PCDHA6: variants seen among roughly 807,000 people sequenced by gnomAD.
PCDHA6 encodes protocadherin alpha 6.
In PCDHA6, 55 loss-of-function variants were observed where a neutral mutation model predicts 60.3. That is an observed-to-expected ratio of 0.91 (90% confidence interval 0.73 to 1.14). The LOEUF (loss-of-function observed/expected upper bound fraction) is 1.14, where lower values mean the gene tolerates loss of function less well. PCDHA6 is among the 50% of genes most tolerant of loss of function. The pLI is 0.00. For synonymous variants in PCDHA6, 652 were observed against 557.9 expected (o/e 1.17, Z -2.38); for missense variants, 1,327 against 1,256.5 (o/e 1.06, Z -0.85).
intron 1 of PCDHA6, among the ~76,000 whole-genome samples, chr5:140,925,082 AAAGGAAGG>A (rs138596875): frequency 4.1e-5 from 6 of 147,388 alleles, no homozygotes; most frequent in Admixed American, 1.3e-4. Flanking sequence ...GCTCATCTGG[AAAGGAAGG>A]AAGGAAGGAA....
intron 1 of PCDHA6, chr5:140,968,814 G>A: frequency 1.5e-5 from 24 of 1,614,232 alleles, no homozygotes; most frequent in Non-Finnish European, 1.9e-5. Context: ...GTGGTGGATA[G>A]GGTTTCCAAA....
At chr5:140,843,758 A>T (rs2150366226) in intron 1 of PCDHA6, 1 of 1,503,376 alleles carries the variant, frequency 6.7e-7, no homozygotes, top group East Asian at 2.3e-5. Flanking sequence ...CTATTTGTGG[A>T]AATTGTAGTT....
intron 3 of PCDHA6, among the ~76,000 whole-genome samples, chr5:140,997,872 C>G (rs1053678533): frequency 6.6e-6 from 1 of 152,094 alleles, no homozygotes; most frequent in African/African-American, 2.4e-5. Context: ...TGCATGCTTG[C>G]TAGTATTTAT....
chr5:140,877,797 C>T, intron 1 of PCDHA6: 1 of 1,613,630 alleles, frequency 6.2e-7, no homozygotes. Flanking sequence ...TCAGCCCAAG[C>T]CTTCAGCTGT....
chr5:140,938,810 C>G (rs1182517488), intron 1 of PCDHA6, among the ~76,000 whole-genome samples: 1 of 152,030 alleles, frequency 6.6e-6, no homozygotes, highest in Non-Finnish European at 1.5e-5. Context: ...ACCACAAACC[C>G]CTGTGACATG....
chr5:140,850,855 G>A (rs1484311028), intron 1 of PCDHA6: 1 of 1,595,156 alleles, frequency 6.3e-7, no homozygotes, highest in Non-Finnish European at 8.6e-7. Flanking sequence ...GAGCGAACGG[G>A]AGAACCCTCT....
At chr5:140,876,539 C>T (rs1030865953) in intron 1 of PCDHA6, 5 of 1,614,170 alleles carry the variant, frequency 3.1e-6, no homozygotes, top group Admixed American at 1.7e-5. Flanking sequence ...ACTTCACTGT[C>T]GCTCCCTGTG....
intron 1 of PCDHA6, among the ~76,000 whole-genome samples, chr5:140,909,441 C>T (rs971678951): frequency 6.6e-6 from 1 of 152,214 alleles, no homozygotes; most frequent in Non-Finnish European, 1.5e-5. Context: ...AATCCACTGT[C>T]ATTCTCCAAG....
rs782293908 is a variant in PCDHA6, at chr5:140,870,195, C to A, written c.2394+39710C>A. 3.1e-6 allele frequency: 5 copies of A among 1,614,178 alleles called. No individual in the cohort carries two copies. In the South Asian group the frequency reaches 5.5e-5, roughly 18 times the overall value. On this transcript the variant is annotated intron_variant, in intron 1 of 3. Transcript: ENST00000529310. ...TCCCAGTACGAGAGGACGCTCAGCC[C>A]AGCACGGTCATTGCCCTGATCAGCG...
chr5:140,887,456 A>G (rs1291884808), intron 1 of PCDHA6, among the ~76,000 whole-genome samples: 1 of 152,138 alleles, frequency 6.6e-6, no homozygotes, highest in Non-Finnish European at 1.5e-5. Flanking sequence ...CAGTTTTTTA[A>G]AAGATATAAT....
intron 1 of PCDHA6, among the ~76,000 whole-genome samples, chr5:140,888,561 G>A (rs2061877783): frequency 6.6e-6 from 1 of 152,156 alleles, no homozygotes; most frequent in South Asian, 2.1e-4. Flanking sequence ...TTCCTTTCAA[G>A]GCTTCATTTT....
At chr5:140,884,213 G>C in intron 1 of PCDHA6, 1 of 1,613,532 alleles carries the variant, frequency 6.2e-7, no homozygotes, top group East Asian at 2.2e-5. Flanking sequence ...CCGCCTTCTG[G>C]TGCTGGTGAA....
intron 1 of PCDHA6, among the ~76,000 whole-genome samples, chr5:140,833,353 G>A (rs2150207714): frequency 9.9e-5 from 15 of 152,096 alleles, no homozygotes; most frequent in East Asian, 1.9e-4. Flanking sequence ...TCCAGAAAAC[G>A]AACACAGTAA....
chr5:140,969,261 T>G (rs2153777840), intron 1 of PCDHA6: 1 of 1,614,180 alleles, frequency 6.2e-7, no homozygotes, highest in South Asian at 1.1e-5. Flanking sequence ...AGCAGGAATC[T>G]CACAGGCCAA....
chr5:140,870,366 A>G, intron 1 of PCDHA6: 1 of 1,613,926 alleles, frequency 6.2e-7, no homozygotes, highest in South Asian at 1.1e-5. Flanking sequence ...GGGCCTATGA[A>G]CTGGTGGTGA....
rs182063339 is a variant in PCDHA6 at position 140,937,439 on chromosome 5, T to C, written c.2395-41510T>C. Among the ~76,000 whole-genome samples, 830 of 152,312 alleles carry C rather than the reference T, an allele frequency of 5.4e-3. 3 individuals are homozygous for C. The highest frequency in any genetic ancestry group is 0.019 in the African/African-American group (799 of 41,586). Reference sequence around the variant, plus strand: ...TAGATAGCTGATATTTTAATGCTATTTTAAAAGTTTAATTTTATAATACAA... The same window carrying C: ...TAGATAGCTGATATTTTAATGCTATCTTAAAAGTTTAATTTTATAATACAA... On this transcript the variant is annotated intron_variant, in intron 1 of 3. Coordinates refer to ENST00000529310, the MANE Select transcript of PCDHA6 (RefSeq NM_018909.4).
At chr5:140,897,485 A>G (rs1189975695) in intron 1 of PCDHA6, among the ~76,000 whole-genome samples, 2 of 151,884 alleles carry the variant, frequency 1.3e-5, no homozygotes, top group African/African-American at 4.8e-5. Flanking sequence ...GATGATTTCC[A>G]ATTTCAACCA....
chr5:140,840,200 G>A (rs1412931294), intron 1 of PCDHA6, among the ~76,000 whole-genome samples: 1 of 151,990 alleles, frequency 6.6e-6, no homozygotes, highest in Non-Finnish European at 1.5e-5. Flanking sequence ...CAAAGGAAAA[G>A]AAGTCATAAA....
At chr5:140,985,317 A>C (rs1457089100) in intron 3 of PCDHA6, among the ~76,000 whole-genome samples, 1 of 152,134 alleles carries the variant, frequency 6.6e-6, no homozygotes, top group Non-Finnish European at 1.5e-5. Flanking sequence ...TGGTGGCCAG[A>C]ATTCAGTAGT....
Sources: gnomAD v4.1 joint callset for allele counts (sites outside exome capture counted in the v4.1 genomes callset) on GRCh38, gnomAD v4.1.1 for gene constraint, MANE v1.5 for transcripts, NCBI Gene and HGNC (gene_info 2026-07-23, HGNC 2026-07-21) for gene names.